Variants in CHRM3 observed in about 807,000 individuals in gnomAD.
The protein encoded by CHRM3 is muscarinic acetylcholine receptor M3.
Under a neutral mutation model 41.8 loss-of-function variants are expected in CHRM3, and 11 were observed. The observed-to-expected ratio is 0.26, with a 90% CI of 0.17 to 0.44. The LOEUF (loss-of-function observed/expected upper bound fraction) is 0.44. CHRM3 is among the 20% of genes least tolerant of loss of function. The probability of loss-of-function intolerance (pLI) is 1.00; values close to 1 mark genes in which losing one functional copy is unlikely to be tolerated. For synonymous variants in CHRM3, 297 were observed against 301.4 expected (o/e 0.99, Z 0.15); for missense variants, 571 against 745.4 (o/e 0.77, Z 2.72).
At chr1:239,787,473 G>C (rs1037886119) in intron 5 of CHRM3, among the ~76,000 whole-genome samples, 2 of 152,096 alleles carry the variant, frequency 1.3e-5, no homozygotes, top group Non-Finnish European at 2.9e-5. Context: ...GGTCTTAGAA[G>C]CCGAAACAAG....
In CHRM3 at chr1:239,674,793, A is replaced by G. The variant is rs1001673630; in HGVS notation, c.-249-3393A>G. On this transcript the variant is annotated intron_variant, in intron 4 of 6. Coordinates refer to ENST00000676153, the MANE Select transcript of CHRM3 (RefSeq NM_001375978.1). The stretch of plus-strand genomic sequence containing the variant: ...CCCAACTCAGGCCATTTCCTGTTGT[A>G]TGCTAAGTGGATGAGCCTCTCACAA... Among the ~76,000 whole-genome samples, 5 of 151,982 alleles carry G rather than the reference A, an allele frequency of 3.3e-5. 1 individual carries two copies. The highest frequency in any genetic ancestry group is 6.8e-3 in the Middle Eastern group (2 of 292).
chr1:239,471,771 A>C (rs1359612002), intron 1 of CHRM3, among the ~76,000 whole-genome samples: 1 of 152,146 alleles, frequency 6.6e-6, no homozygotes, highest in Non-Finnish European at 1.5e-5. Context: ...ACGGCTGTGC[A>C]GTGAGGTCTG....
At position 239,799,520 on chromosome 1, in the gene CHRM3, G is replaced by C. The variant is rs187652858; in HGVS notation, c.-146-27732G>C. Among the ~76,000 whole-genome samples the C allele has an allele frequency of 1.7e-3, 259 of 152,222 alleles. 1 individual carries two copies. The highest frequency in any genetic ancestry group is 5.8e-3 in the African/African-American group (243 of 41,544). On this transcript the variant is annotated intron_variant, in intron 5 of 6. Transcript: ENST00000676153. ...CACCTACCCTCCCAGGGAACCTACT[G>C]GTTGTAGCCTCATCTTCCTCTCCAT...
At chr1:239,569,446 T>C (rs934386482) in intron 3 of CHRM3, among the ~76,000 whole-genome samples, 2 of 152,194 alleles carry the variant, frequency 1.3e-5, no homozygotes, top group African/African-American at 2.4e-5. Context: ...TTCATAATTA[T>C]GGCAAACTGA....
chr1:239,572,030 T>G (rs1661874849), intron 3 of CHRM3, among the ~76,000 whole-genome samples: 1 of 152,184 alleles, frequency 6.6e-6, no homozygotes, highest in Non-Finnish European at 1.5e-5. Context: ...TCACAGATAA[T>G]GTCTAAATAA....
chr1:239,612,867 T>A (rs1667222153), intron 3 of CHRM3, among the ~76,000 whole-genome samples: 1 of 152,200 alleles, frequency 6.6e-6, no homozygotes, highest in African/African-American at 2.4e-5. Flanking sequence ...GCTGGTTTGC[T>A]AATGGGGCCA....
At chr1:239,472,697 G>T (rs554642925) in intron 1 of CHRM3, among the ~76,000 whole-genome samples, 1 of 151,882 alleles carries the variant, frequency 6.6e-6, no homozygotes, top group Admixed American at 6.6e-5. Context: ...GACACAGGGA[G>T]GGGGACAACA....
At chr1:239,536,002 G>A (rs1031227989) in intron 2 of CHRM3, among the ~76,000 whole-genome samples, 2 of 152,160 alleles carry the variant, frequency 1.3e-5, no homozygotes, top group African/African-American at 2.4e-5. Flanking sequence ...CTTTTTAACT[G>A]CAAGCCAGCT....
At chr1:239,763,770 T>A (rs190413363) in intron 5 of CHRM3, among the ~76,000 whole-genome samples, 8 of 151,902 alleles carry the variant, frequency 5.3e-5, no homozygotes, top group African/African-American at 1.9e-4. Flanking sequence ...ATTTAAGACC[T>A]TTTCTCTCGG....
chr1:239,571,570 G>A (rs571285362), intron 3 of CHRM3, among the ~76,000 whole-genome samples: 1 of 152,308 alleles, frequency 6.6e-6, no homozygotes, highest in South Asian at 2.1e-4. Flanking sequence ...GATCAGGACA[G>A]AGTCACCACC....
intron 5 of CHRM3, among the ~76,000 whole-genome samples, chr1:239,761,745 C>T (rs1428975602): frequency 2.0e-5 from 3 of 152,220 alleles, no homozygotes; most frequent in African/African-American, 7.2e-5. Context: ...GCTCCTGCAG[C>T]TTCTTCCCAG....
At chr1:239,859,816 GTT>G (rs1001798641) in intron 6 of CHRM3, among the ~76,000 whole-genome samples, 2 of 85,310 alleles carry the variant, frequency 2.3e-5, no homozygotes, top group Admixed American at 1.3e-4. Flanking sequence ...AGTTCTAAGT[GTT>G]TTATATATAT....
At chr1:239,643,366 C>G (rs975098300) in intron 4 of CHRM3, among the ~76,000 whole-genome samples, 1 of 152,202 alleles carries the variant, frequency 6.6e-6, no homozygotes, top group Non-Finnish European at 1.5e-5. Context: ...GCCCTGCCCC[C>G]AGAGGTGGAG....
chr1:239,427,146 A>G (rs1371276820), intron 1 of CHRM3, among the ~76,000 whole-genome samples: 1 of 152,188 alleles, frequency 6.6e-6, no homozygotes, highest in African/African-American at 2.4e-5. Flanking sequence ...TTCCTGTGGT[A>G]GTAATTAAAG....
At chr1:239,858,055 G>A (rs1033895363) in intron 6 of CHRM3, among the ~76,000 whole-genome samples, 26 of 152,110 alleles carry the variant, frequency 1.7e-4, no homozygotes, top group African/African-American at 5.8e-4. Flanking sequence ...GGTTCCTACT[G>A]TGTCTCATCA....
intron 5 of CHRM3, among the ~76,000 whole-genome samples, chr1:239,808,473 T>C (rs1373694195): frequency 2.0e-5 from 3 of 152,172 alleles, no homozygotes; most frequent in Non-Finnish European, 4.4e-5. Flanking sequence ...AATTACCTGC[T>C]GTGTGAACTG....
chr1:239,532,166 C>A (rs1464789573), intron 2 of CHRM3, among the ~76,000 whole-genome samples: 2 of 148,216 alleles, frequency 1.3e-5, no homozygotes, highest in Non-Finnish European at 3.0e-5. Context: ...GCGCTGCCAC[C>A]ACGCCCGGCT....
At chr1:239,774,594 A>G (rs1004757211) in intron 5 of CHRM3, among the ~76,000 whole-genome samples, 20 of 152,190 alleles carry the variant, frequency 1.3e-4, no homozygotes, top group Admixed American at 1.3e-3. Flanking sequence ...CACACATTTC[A>G]TTAAATAAAA....
intron 5 of CHRM3, among the ~76,000 whole-genome samples, chr1:239,776,862 G>A (rs1017487819): frequency 6.6e-6 from 1 of 152,052 alleles, no homozygotes; most frequent in Non-Finnish European, 1.5e-5. Flanking sequence ...GCAAAGTAGG[G>A]GAAAAGCCCC....
Sources: gnomAD v4.1 joint callset for allele counts (sites outside exome capture counted in the v4.1 genomes callset) on GRCh38, gnomAD v4.1.1 for gene constraint, MANE v1.5 for transcripts, NCBI Gene and HGNC (gene_info 2026-07-23, HGNC 2026-07-21) for gene names.